The following KLK10 variants were observed in gnomAD, a reference collection of about 807,000 sequenced individuals.
KLK10 encodes kallikrein related peptidase 10, also known as kallikrein-10.
Under a neutral mutation model 25.7 loss-of-function variants are expected in KLK10, and 27 were observed. That is an observed-to-expected ratio of 1.05 (90% CI 0.77 to 1.45). KLK10 has a LOEUF of 1.45. Among genes scored for constraint, KLK10 ranks in the 40% most tolerant of loss-of-function variants. The probability of loss-of-function intolerance (pLI) is 0.00; values close to 1 mark genes in which losing one functional copy is unlikely to be tolerated. For synonymous variants in KLK10, 173 were observed against 160.1 expected (o/e 1.08, Z -0.61); for missense variants, 386 against 370.0 (o/e 1.04, Z -0.35).
intron 4 of KLK10, 66 bp from the exon 5 acceptor site, chr19:51,015,616 G>C (rs1193562214): frequency 1.3e-6 from 2 of 1,547,104 alleles, no homozygotes; most frequent in Non-Finnish European, 1.8e-6. Flanking sequence ...CAGGAGTCCA[G>C]ATACAAGACC....
Position 51,019,177 on chromosome 19 carries a change from C to A in KLK10, c.-9-38G>T. 7.0e-7 allele frequency: 1 copy of A among 1,426,884 alleles called. No homozygotes were observed. Among genetic ancestry groups the A allele is most frequent in the Non-Finnish European group, 9.6e-7 (1 of 1,037,158 alleles). The allele number at this position is 1,426,884 out of a possible 1,614,324, so 88.4% of individuals were successfully genotyped here. ...GTGCAGGGGCGGGTTAAAACAGATG[C>A]TCCGTTAGAGACCCCCACCTCGCCG... On this transcript the variant is annotated intron_variant, in intron 1 of 5. Coordinates refer to ENST00000358789, the MANE Select transcript of KLK10 (RefSeq NM_145888.3). The surrounding 1 kb of genome is among the most constrained non-coding windows in gnomAD (Gnocchi z 4.2).
rs764990774 is a variant in KLK10 at position 51,014,967 on chromosome 19, A to T, written c.679-15T>A. On this transcript the variant is annotated splice_polypyrimidine_tract_variant and intron_variant, in intron 5 of 5. Coordinates refer to ENST00000358789, the MANE Select transcript of KLK10 (RefSeq NM_145888.3). Reference sequence around the variant, plus strand: ...CCAGAGTCACTCTGGGGGTGGCAGGAAGGAGAGATCAAATAAATGTGCCAA... The same window carrying T: ...CCAGAGTCACTCTGGGGGTGGCAGGTAGGAGAGATCAAATAAATGTGCCAA... 8 of 1,609,398 alleles carry T rather than the reference A, an allele frequency of 5.0e-6. No homozygotes were observed. In the African/African-American group the frequency reaches 1.1e-4, roughly 22 times the overall value.
At chr19:51,016,770 C>A (rs1017465174) in intron 3 of KLK10, among the ~76,000 whole-genome samples, 1 of 152,012 alleles carries the variant, frequency 6.6e-6, no homozygotes, top group South Asian at 2.1e-4. Context: ...TAATACCCAA[C>A]CCTTCCTCCT....
chr19:51,014,752 G>A lies in KLK10; in HGVS notation c.*48C>T, dbSNP rs765492623. 6.9e-6 allele frequency: 11 copies of A among 1,593,308 alleles called. No individual in the cohort carries two copies. Among genetic ancestry groups the A allele is most frequent in the Non-Finnish European group, 7.7e-6 (9 of 1,165,418 alleles). ...GGACGATGGAGCCTCTGGGCATCTGGATCAGCAGGAGCATAACATCTGGAT... is the reference window on the plus strand; with the variant it reads ...GGACGATGGAGCCTCTGGGCATCTGAATCAGCAGGAGCATAACATCTGGAT... On this transcript the variant is annotated 3_prime_UTR_variant, in exon 6 of 6. Coordinates refer to ENST00000358789, the MANE Select transcript of KLK10 (RefSeq NM_145888.3).
In KLK10 at chr19:51,017,163, C is replaced by T. The variant is rs143318687; in HGVS notation, c.216G>A (p.Ala72=). ...CCCAACTCTGGTCCACCAGGACACCCGCGCAGTGGAACGAGAGGCCGTTGA... is the reference window on the plus strand; with the variant it reads ...CCCAACTCTGGTCCACCAGGACACCTGCGCAGTGGAACGAGAGGCCGTTGA... ...SLFNGLSFHC[A]GVLVDQSWVL... Residue 72 remains alanine (A), a synonymous_variant, in exon 3 of 6, where the codon GCG becomes GCA. Coordinates refer to ENST00000358789, the MANE Select transcript of KLK10 (RefSeq NM_145888.3). 2 of 1,611,822 alleles carry T rather than the reference C, an allele frequency of 1.2e-6. No individual in the cohort carries two copies. The highest frequency in any genetic ancestry group is 2.0e-4 in the Middle Eastern group (1 of 4,970).
intron 4 of KLK10, 56 bp from the exon 5 acceptor site, chr19:51,015,606 C>A (rs960647883): frequency 1.9e-6 from 3 of 1,571,076 alleles, no homozygotes; most frequent in Admixed American, 1.7e-5. Context: ...CTTGGGGAGC[C>A]AGGAGTCCAG....
Sources: allele counts gnomAD v4.1 joint callset (sites outside exome capture counted in the v4.1 genomes callset), GRCh38; gene constraint gnomAD v4.1.1; non-coding constraint Gnocchi (gnomAD v3.1); transcripts MANE v1.5; gene names NCBI Gene and HGNC (gene_info 2026-07-23, HGNC 2026-07-21).